Variants in THSD7B observed in about 807,000 individuals in gnomAD.
The protein encoded by THSD7B is thrombospondin type 1 domain containing 7B, also known as thrombospondin type-1 domain-containing protein 7B.
THSD7B carries 138 observed loss-of-function variants against 213.6 expected under a neutral mutation model. The ratio of observed to expected loss-of-function variants is 0.65; its 90% CI spans 0.56 to 0.74. The LOEUF is 0.74. Ranked by LOEUF, THSD7B falls within the 30% of genes least tolerant of loss-of-function variation. The pLI is 0.00. For synonymous variants in THSD7B, 742 were observed against 687.0 expected (o/e 1.08, Z -1.25); for missense variants, 1,931 against 1,991.5 (o/e 0.97, Z 0.58).
chr2:137,301,811 A>G (rs1404471361), intron 12 of THSD7B, among the ~76,000 whole-genome samples: 2 of 152,058 alleles, frequency 1.3e-5, no homozygotes, highest in Admixed American at 1.3e-4. Context: ...AAGAACAGTG[A>G]GACAAGAGGC....
chr2:137,262,256 T>G (rs1260715507), intron 10 of THSD7B, among the ~76,000 whole-genome samples: 1 of 152,212 alleles, frequency 6.6e-6, no homozygotes, highest in Non-Finnish European at 1.5e-5. Context: ...CATCTTCAGC[T>G]TCAATTCCAG....
chr2:137,405,921 C>T, intron 13 of THSD7B, 114 bp downstream of exon 13: 1 of 868,562 alleles, frequency 1.2e-6, no homozygotes, highest in South Asian at 1.9e-5. Context: ...TCCTCTCTCT[C>T]CATTCGTTAA....
intron 7 of THSD7B, among the ~76,000 whole-genome samples, chr2:137,210,649 A>T (rs1415976675): frequency 1.3e-5 from 2 of 152,040 alleles, no homozygotes; most frequent in Admixed American, 6.6e-5. Flanking sequence ...ACTTCGTTTG[A>T]TGTATAGTAA....
rs774094568 is a variant in THSD7B, at chr2:137,342,846, A to T, written c.2501-62767A>T. On this transcript the variant is annotated intron_variant, in intron 12 of 27. Coordinates refer to ENST00000409968, the MANE Select transcript of THSD7B (RefSeq NM_001316349.2). ...TAATGTGTCATGTTTATTGATTTGC[A>T]TACGGTAAACCATCCTTGTATCCCA... 2.0e-5 allele frequency among the ~76,000 whole-genome samples: 3 copies of T among 151,864 alleles called. No individual in the cohort carries two copies. The East Asian group carries it at 5.8e-4, about 29-fold the overall frequency.
chr2:137,611,098 T>A lies in THSD7B; in HGVS notation c.3424-5077T>A, dbSNP rs116047811. ...CAAACCTTTATAATGAAAACAGTTT[T>A]GCAATAATGATCATGACAGTCTATG... On this transcript the variant is annotated intron_variant, in intron 17 of 27. Coordinates refer to ENST00000409968, the MANE Select transcript of THSD7B (RefSeq NM_001316349.2). Among the ~76,000 whole-genome samples the A allele has an allele frequency of 6.4e-3, 963 of 151,644 alleles. 13 individuals carry two copies. Among genetic ancestry groups the A allele is most frequent in the African/African-American group, 0.022 (923 of 41,462 alleles).
At chr2:137,619,679 A>G in intron 19 of THSD7B, among the ~76,000 whole-genome samples, 1 of 152,340 alleles carries the variant, frequency 6.6e-6, no homozygotes, top group Non-Finnish European at 1.5e-5. Flanking sequence ...GATATAAACT[A>G]TTCATTAATA....
intron 2 of THSD7B, among the ~76,000 whole-genome samples, chr2:136,993,412 G>T (rs945849494): frequency 1.3e-5 from 2 of 152,226 alleles, no homozygotes; most frequent in Non-Finnish European, 2.9e-5. Context: ...TGAAGGTAAA[G>T]TGAATGAGGA....
intron 12 of THSD7B, among the ~76,000 whole-genome samples, chr2:137,390,890 A>G (rs1188522963): frequency 6.6e-6 from 1 of 151,366 alleles, no homozygotes; most frequent in East Asian, 1.9e-4. Flanking sequence ...CCACTTGATC[A>G]TGGTGTATTT....
intron 7 of THSD7B, among the ~76,000 whole-genome samples, chr2:137,195,145 T>C (rs1257776001): frequency 6.6e-6 from 1 of 152,054 alleles, no homozygotes; most frequent in African/African-American, 2.4e-5. Context: ...TTCACAACTT[T>C]TTGGTAGATT....
At chr2:137,676,424 C>CATT in intron 27 of THSD7B, 100 bp from the exon 28 acceptor site, 1 of 1,092,494 alleles carries the variant, frequency 9.2e-7, no homozygotes, top group Non-Finnish European at 1.3e-6. Flanking sequence ...ATCTTTTTGT[C>CATT]ATTTTACCGC....
chr2:137,027,997 G>A (rs1686586075), intron 2 of THSD7B, among the ~76,000 whole-genome samples: 1 of 152,072 alleles, frequency 6.6e-6, no homozygotes. Flanking sequence ...TAAGCATTCA[G>A]TAAATGTTAG....
At position 137,131,395 on chromosome 2, in the gene THSD7B, T is replaced by C. The variant is rs574709915; in HGVS notation, c.1369+16102T>C. On this transcript the variant is annotated intron_variant, in intron 5 of 27. Coordinates refer to ENST00000409968, the MANE Select transcript of THSD7B (RefSeq NM_001316349.2). ...GCTCTTTAGTTTAATTAGATCCCAT[T>C]TGTCAATGTTGGCTTTTGTTGCCAT... 1.6e-3 allele frequency among the ~76,000 whole-genome samples: 239 copies of C among 152,298 alleles called. 2 individuals carry two copies. The highest frequency in any genetic ancestry group is 5.6e-3 in the African/African-American group (233 of 41,570).
intron 14 of THSD7B, among the ~76,000 whole-genome samples, chr2:137,449,062 A>G (rs1476589618): frequency 1.3e-5 from 2 of 152,160 alleles, no homozygotes; most frequent in African/African-American, 4.8e-5. Context: ...AAGGAGTAAT[A>G]AAAGTTATTT....
At chr2:136,961,764 G>A (rs1476080443) in intron 2 of THSD7B, among the ~76,000 whole-genome samples, 1 of 152,220 alleles carries the variant, frequency 6.6e-6, no homozygotes, top group African/African-American at 2.4e-5. Flanking sequence ...TCTGGAATAT[G>A]GAAGCAAGTA....
intron 15 of THSD7B, among the ~76,000 whole-genome samples, chr2:137,462,787 C>T (rs75855673): frequency 6.6e-6 from 1 of 151,608 alleles, no homozygotes; most frequent in Non-Finnish European, 1.5e-5. Flanking sequence ...AAAAATGGCT[C>T]AGAAGCACAA....
chr2:137,306,516 C>A (rs1287869531), intron 12 of THSD7B, among the ~76,000 whole-genome samples: 1 of 152,024 alleles, frequency 6.6e-6, no homozygotes, highest in Non-Finnish European at 1.5e-5. Flanking sequence ...TTTATCATCA[C>A]CATCATCATT....
At chr2:137,418,311 T>C (rs1686843240) in intron 14 of THSD7B, among the ~76,000 whole-genome samples, 1 of 152,168 alleles carries the variant, frequency 6.6e-6, no homozygotes, top group Non-Finnish European at 1.5e-5. Context: ...GACAGGAATC[T>C]TTCCAAAAGG....
chr2:137,115,324 A>T, intron 5 of THSD7B, 31 bp downstream of exon 5: 1 of 1,479,692 alleles, frequency 6.8e-7, no homozygotes, highest in Non-Finnish European at 9.0e-7. Context: ...CAGATGGTGC[A>T]CTGCTGGTTG....
In THSD7B at chr2:137,539,365, G is replaced by T. The variant is rs188668040; in HGVS notation, c.3139-23856G>T. On this transcript the variant is annotated intron_variant, in intron 15 of 27. Transcript: ENST00000409968. ...GGTTTGGATCTCATACACTGGGAAGGGGGTAAGATGTACAATTCCAGACCT... is the reference window on the plus strand; with the variant it reads ...GGTTTGGATCTCATACACTGGGAAGTGGGTAAGATGTACAATTCCAGACCT... 4.6e-5 allele frequency among the ~76,000 whole-genome samples: 7 copies of T among 151,704 alleles called. No homozygotes were observed. In the East Asian group the frequency reaches 5.9e-4, roughly 13 times the overall value.
Sources: gnomAD v4.1 joint callset for allele counts (sites outside exome capture counted in the v4.1 genomes callset) on GRCh38, gnomAD v4.1.1 for gene constraint, MANE v1.5 for transcripts, NCBI Gene and HGNC (gene_info 2026-07-23, HGNC 2026-07-21) for gene names.